The following FOXN4 variants were observed in gnomAD, a reference collection of about 807,000 sequenced individuals.
The protein encoded by FOXN4 is forkhead box protein N4.
Under a neutral mutation model 45.0 loss-of-function variants are expected in FOXN4, and 12 were observed. The ratio of observed to expected loss-of-function variants is 0.27; its 90% CI spans 0.17 to 0.43. The LOEUF (loss-of-function observed/expected upper bound fraction) is 0.43, where lower values mean the gene tolerates loss of function less well. FOXN4 is among the 20% of genes least tolerant of loss of function. FOXN4 has a pLI of 1.00. For synonymous variants in FOXN4, 297 were observed against 295.0 expected (o/e 1.01, Z -0.07); for missense variants, 560 against 694.9 (o/e 0.81, Z 2.18).
In FOXN4 at chr12:109,281,691, G is replaced by C. The variant is rs759819045; in HGVS notation, c.1010C>G (p.Ala337Gly). Residue 337 changes from alanine (A) to glycine (G), a missense_variant, in exon 9 of 10, where the codon GCG (alanine) becomes GGG (glycine). Transcript: ENST00000299162. ...CTGGGAGACAGCCAGGCAGCCATGC[G>C]CCACGGCCACTGTGGTGGCGTGAGT... The part of the protein sequence containing the change: ...VLTHATTVAV[A>G]HGCLAVSQLP... 1 of 1,610,390 alleles carries C rather than the reference G, an allele frequency of 6.2e-7. No individual in the cohort carries two copies. Among genetic ancestry groups the C allele is most frequent in the Non-Finnish European group, 8.5e-7 (1 of 1,178,854 alleles).
rs748124614 is a variant in FOXN4 at position 109,290,259 on chromosome 12, G to A, written c.114C>T (p.Asp38=). 1.9e-6 allele frequency: 3 copies of A among 1,550,910 alleles called. No homozygotes were observed. The highest frequency in any genetic ancestry group is 3.9e-5 in the Admixed American group (2 of 50,888). The stretch of plus-strand genomic sequence containing the variant: ...ACAGCGACTGCAGGTCCCCGGGAAG[G>A]TCATCATCGCTGGTGGTGGCTAGAA... ...YRLLATTSDD[D]LPGDLQSLSW... The change falls in exon 3 of 10, where the codon GAC becomes GAT. Residue 38 remains aspartate (D), a synonymous_variant. Transcript: ENST00000299162. The surrounding 1 kb of genome is among the most constrained non-coding windows in gnomAD (Gnocchi z 5.1).
intron 3 of FOXN4, among the ~76,000 whole-genome samples, chr12:109,289,403 T>C (rs1316671389): frequency 2.0e-5 from 3 of 152,218 alleles, no homozygotes; most frequent in African/African-American, 7.2e-5. Context: ...ACCTGGCCCT[T>C]GACAGAAAAT....
At chr12:109,297,205 A>T (rs2047825728) in intron 2 of FOXN4, among the ~76,000 whole-genome samples, 1 of 152,220 alleles carries the variant, frequency 6.6e-6, no homozygotes, top group Non-Finnish European at 1.5e-5. Context: ...GCACAGAAGG[A>T]GGTGAGTAGC....
rs553040382 is a variant in FOXN4, at chr12:109,286,793, C to A, written c.597-49G>T. 38 of 1,562,872 alleles carry A rather than the reference C, an allele frequency of 2.4e-5. 1 individual carries two copies. Among genetic ancestry groups the A allele is most frequent in the East Asian group, 1.6e-4 (7 of 43,730 alleles). The stretch of plus-strand genomic sequence containing the variant: ...GCAGGGCAGGGCAGGACAGGGCAGG[C>A]CAGGCATGAAAGGGTCTCAGGCTGA... On this transcript the variant is annotated intron_variant, in intron 6 of 9. Coordinates refer to ENST00000299162, the MANE Select transcript of FOXN4 (RefSeq NM_213596.3).
At chr12:109,285,617 T>A in intron 7 of FOXN4, 106 bp from the exon 8 acceptor site, 1 of 1,175,924 alleles carries the variant, frequency 8.5e-7, no homozygotes, top group Non-Finnish European at 1.2e-6. Flanking sequence ...GTGGCAGGAG[T>A]AATTTGACAG....
rs1352326837 is a variant in FOXN4 at position 109,279,141 on chromosome 12, AAG to A, written c.*528_*529del. 1 of 175,750 alleles carries A rather than the reference AAG, an allele frequency of 5.7e-6. No homozygotes were observed. Among genetic ancestry groups the A allele is most frequent in the Non-Finnish European group, 1.2e-5 (1 of 81,316 alleles). The allele number at this position is 175,750 out of a possible 1,614,324, so 10.9% of individuals were successfully genotyped here. On this transcript the variant is annotated 3_prime_UTR_variant, in exon 10 of 10. Transcript: ENST00000299162. ...TTTCAGAGTTCAGCTTGTCCTGTCC[AAG>A]AGAGAGGCTCAAGCTTCTCCGGCTC...
chr12:109,286,259 G>A (rs938551100), intron 7 of FOXN4, among the ~76,000 whole-genome samples: 1 of 152,204 alleles, frequency 6.6e-6, no homozygotes, highest in African/African-American at 2.4e-5. Flanking sequence ...TTTATCTGCA[G>A]GATCCTCACT....
Position 109,288,521 on chromosome 12 carries a change from AATG to A in FOXN4, c.233-344_233-342del, listed in dbSNP as rs1486669322. ...TCTCAATAAACATGAGTCAATAATA[AATG>A]ATAATTGATTATGTCCTTCATGAAG... On this transcript the variant is annotated intron_variant, in intron 3 of 9. Coordinates refer to ENST00000299162, the MANE Select transcript of FOXN4 (RefSeq NM_213596.3). This position sits in a 1 kb window ranked among gnomAD's most constrained non-coding sequence, Gnocchi z 4.3. Among the ~76,000 whole-genome samples, 3 of 152,216 alleles carry A rather than the reference AATG, an allele frequency of 2.0e-5. No homozygotes were observed. The highest frequency in any genetic ancestry group is 4.4e-5 in the Non-Finnish European group (3 of 68,034).
chr12:109,287,566 G>C lies in FOXN4; in HGVS notation c.469-42C>G, dbSNP rs2047725619. 2 of 1,486,038 alleles carry C rather than the reference G, an allele frequency of 1.3e-6. No individual in the cohort carries two copies. The highest frequency in any genetic ancestry group is 8.9e-7 in the Non-Finnish European group (1 of 1,119,126). The allele number at this position is 1,486,038 out of a possible 1,614,324, so 92.1% of individuals were successfully genotyped here. ...GCAGGGAGAAAGTGGCAGAGAAAGA[G>C]AGAAGGTGAGAAATAACATACGTCA... On this transcript the variant is annotated intron_variant, in intron 5 of 9. Transcript: ENST00000299162. This position sits in a 1 kb window ranked among gnomAD's most constrained non-coding sequence, Gnocchi z 4.1.
intron 2 of FOXN4, among the ~76,000 whole-genome samples, chr12:109,294,460 T>C (rs2047797900): frequency 6.6e-6 from 1 of 152,080 alleles, no homozygotes; most frequent in Admixed American, 6.5e-5. Context: ...TTGGGGTCGA[T>C]GGCCAGGCCC....
chr12:109,308,158 G>T, intron 2 of FOXN4, 78 bp downstream of exon 2: 1 of 1,206,232 alleles, frequency 8.3e-7, no homozygotes, highest in Non-Finnish European at 1.2e-6. Flanking sequence ...TTCTTGGGCA[G>T]TTTCAGAAAC....
chr12:109,283,024 C>T (rs1463099600), intron 8 of FOXN4, among the ~76,000 whole-genome samples: 1 of 152,064 alleles, frequency 6.6e-6, no homozygotes, highest in African/African-American at 2.4e-5. Flanking sequence ...TTGAGTTGTT[C>T]ATCCCCAAGC....
At position 109,279,371 on chromosome 12, in the gene FOXN4, T is replaced by G; in HGVS notation, c.*300A>C. ...AGTCTCACTCAACACGGGCAGGCAT[T>G]GCGGCTCAGGCCTCGGAGGAGTGTC... On this transcript the variant is annotated 3_prime_UTR_variant, in exon 10 of 10. Coordinates refer to ENST00000299162, the MANE Select transcript of FOXN4 (RefSeq NM_213596.3). The G allele has an allele frequency of 2.2e-6, 1 of 450,252 alleles. No individual in the cohort carries two copies. The highest frequency in any genetic ancestry group is 4.1e-6 in the Non-Finnish European group (1 of 244,774). The allele number at this position is 450,252 out of a possible 1,614,324, so 27.9% of individuals were successfully genotyped here.
At chr12:109,303,743 G>A (rs1285098591) in intron 2 of FOXN4, among the ~76,000 whole-genome samples, 1 of 152,178 alleles carries the variant, frequency 6.6e-6, no homozygotes, top group African/African-American at 2.4e-5. Flanking sequence ...TGTAAAAGGA[G>A]CTTGTTGGAC....
At chr12:109,297,800 G>A (rs566074432) in intron 2 of FOXN4, among the ~76,000 whole-genome samples, 21 of 152,196 alleles carry the variant, frequency 1.4e-4, no homozygotes, top group South Asian at 2.1e-4. Flanking sequence ...GAAAATCCTC[G>A]CAGTGTCTCC....
chr12:109,308,416 G>C (rs1164123852), intron 1 of FOXN4, 92 bp from the exon 2 acceptor site: 1 of 817,580 alleles, frequency 1.2e-6, no homozygotes, highest in African/African-American at 1.7e-5. Context: ...CAGAAAGATG[G>C]AGCACAATCA....
rs1045941883 is a variant in FOXN4, at chr12:109,291,957, G to A, written c.87-1671C>T. 6.6e-6 allele frequency among the ~76,000 whole-genome samples: 1 copy of A among 150,688 alleles called. No homozygotes were observed. Among genetic ancestry groups the A allele is most frequent in the Admixed American group, 6.6e-5 (1 of 15,212 alleles). On this transcript the variant is annotated intron_variant, in intron 2 of 9. Transcript: ENST00000299162. This position sits in a 1 kb window ranked among gnomAD's most constrained non-coding sequence, Gnocchi z 6.6. The stretch of plus-strand genomic sequence containing the variant: ...CCCTCCGGCCGCCACCCCTCCGGCT[G>A]CCACCCCTCCGGCCTGCTCGTAACT...
chr12:109,304,188 CAAA>C (rs560597615), intron 2 of FOXN4, among the ~76,000 whole-genome samples: 2 of 51,090 alleles, frequency 3.9e-5, no homozygotes, highest in Admixed American at 2.3e-4. Flanking sequence ...CAGACTCCGT[CAAA>C]AAAAAAAAAA....
At position 109,285,503 on chromosome 12, in the gene FOXN4, G is replaced by A. The variant is rs1214167779; in HGVS notation, c.702C>T (p.Pro234=). The change falls in exon 8 of 10, where the codon CCC becomes CCT. Residue 234 remains proline (P), a synonymous_variant. Coordinates refer to ENST00000299162, the MANE Select transcript of FOXN4 (RefSeq NM_213596.3). ...GCCGCACCGAGTTCTTCCACCCGTC[G>A]GGGGCCGTCTATGAAGACACATGGG... ...KEHFPYFKTA[P]DGWKNSVRHN... The A allele has an allele frequency of 5.6e-6, 9 of 1,613,902 alleles. No individual in the cohort carries two copies. Among genetic ancestry groups the A allele is most frequent in the African/African-American group, 1.3e-5 (1 of 75,040 alleles).
Sources: gnomAD v4.1 joint callset for allele counts (sites outside exome capture counted in the v4.1 genomes callset) on GRCh38, gnomAD v4.1.1 for gene constraint, Gnocchi (gnomAD v3.1) non-coding constraint, MANE v1.5 for transcripts, NCBI Gene and HGNC (gene_info 2026-07-23, HGNC 2026-07-21) for gene names.